Variants in COLQ observed in about 807,000 individuals in gnomAD.
COLQ encodes the protein acetylcholinesterase collagenic tail peptide.
COLQ carries 48 observed loss-of-function variants against 69.0 expected under a neutral mutation model. The ratio of observed to expected loss-of-function variants is 0.70; its 90% CI spans 0.55 to 0.88. The LOEUF is 0.88. Ranked by LOEUF, COLQ falls within the 40% of genes least tolerant of loss-of-function variation. The pLI, the probability that COLQ is intolerant of heterozygous loss-of-function variation, is 0.00. For missense variants in COLQ, 618 were observed against 594.6 expected (o/e 1.04, Z -0.41); for synonymous variants, 217 against 211.2 (o/e 1.03, Z -0.24).
chr3:15,483,500 A>T (rs1319791488), intron 3 of COLQ, among the ~76,000 whole-genome samples: 1 of 152,192 alleles, frequency 6.6e-6, no homozygotes, highest in Admixed American at 6.5e-5. Context: ...CAGGTTGTTC[A>T]GTTTCTATGT....
intron 1 of COLQ, chr3:15,499,015 AG>A: frequency 1.0e-6 from 1 of 989,804 alleles, no homozygotes; most frequent in Non-Finnish European, 1.2e-6. Flanking sequence ...TAAGCCTCAA[AG>A]TCAACCCCCC....
intron 1 of COLQ, among the ~76,000 whole-genome samples, chr3:15,502,852 C>T (rs1008419583): frequency 3.3e-5 from 5 of 152,190 alleles, no homozygotes; most frequent in African/African-American, 1.2e-4. Context: ...CTTGCAGACT[C>T]GTTTGGCAAA....
intron 3 of COLQ, among the ~76,000 whole-genome samples, chr3:15,487,069 A>T (rs12631578): frequency 1.3e-5 from 2 of 152,142 alleles, no homozygotes; most frequent in East Asian, 1.9e-4. Flanking sequence ...GACCAGGAAC[A>T]GAAGAACAGA....
At chr3:15,452,098 GCT>G (rs896579414) in intron 16 of COLQ, among the ~76,000 whole-genome samples, 2 of 145,894 alleles carry the variant, frequency 1.4e-5, no homozygotes, top group African/African-American at 5.1e-5. Context: ...ACAGAGTTTC[GCT>G]CTGTCCCCCA....
At chr3:15,478,186 T>A (rs1047598969) in intron 5 of COLQ, among the ~76,000 whole-genome samples, 1 of 152,078 alleles carries the variant, frequency 6.6e-6, no homozygotes, top group Non-Finnish European at 1.5e-5. Context: ...ACCATTGCCA[T>A]GGAGACCACC....
chr3:15,463,314 G>T (rs1387979499), intron 12 of COLQ, among the ~76,000 whole-genome samples: 2 of 151,040 alleles, frequency 1.3e-5, no homozygotes, highest in Non-Finnish European at 3.0e-5. Context: ...TTTTGGTTTT[G>T]GTTTTGTTTT....
intron 1 of COLQ, among the ~76,000 whole-genome samples, chr3:15,510,174 TA>T (rs747127611): frequency 3.1e-3 from 417 of 136,624 alleles, no homozygotes; most frequent in Middle Eastern, 7.4e-3. Context: ...AGACTCTGTC[TA>T]AAAAAAAAAA....
chr3:15,474,700 G>A (rs141877963), intron 8 of COLQ, among the ~76,000 whole-genome samples: 110 of 152,302 alleles, frequency 7.2e-4, no homozygotes, highest in African/African-American at 2.4e-3. Flanking sequence ...TGCTCCACAC[G>A]AGGGGCCTCT....
chr3:15,466,633 T>G (rs373300086), intron 11 of COLQ, among the ~76,000 whole-genome samples, 196 bp from the exon 12 acceptor site: 1 of 134,548 alleles, frequency 7.4e-6, no homozygotes, highest in Non-Finnish European at 1.6e-5. Context: ...GGCTACAAAT[T>G]TGTAGACCTT....
At chr3:15,519,133 A>G (rs2063101939) in intron 1 of COLQ, among the ~76,000 whole-genome samples, 1 of 151,900 alleles carries the variant, frequency 6.6e-6, no homozygotes, top group Admixed American at 6.6e-5. Context: ...CGGAGAAAAC[A>G]TATCTTTGTG....
chr3:15,467,408 G>A (rs1027919324), intron 11 of COLQ, among the ~76,000 whole-genome samples: 3 of 152,236 alleles, frequency 2.0e-5, no homozygotes, highest in Admixed American at 6.5e-5. Flanking sequence ...TGTACAGAAC[G>A]AAGAGCTATG....
At chr3:15,512,399 G>T (rs1256716687) in intron 1 of COLQ, among the ~76,000 whole-genome samples, 1 of 152,162 alleles carries the variant, frequency 6.6e-6, no homozygotes, top group African/African-American at 2.4e-5. Context: ...GTGCGGGCTT[G>T]AATGGAGCTA....
rs187585739 is a variant in COLQ at position 15,519,288 on chromosome 3, C to T, written c.106+2232G>A. On this transcript the variant is annotated intron_variant, in intron 1 of 16. Transcript: ENST00000383788. The stretch of plus-strand genomic sequence containing the variant: ...CCCAACCCTCCCCTTGGCTCTCTGC[C>T]CTCAGTGTTCCAGTCCCTGACCTCC... 6.0e-4 allele frequency among the ~76,000 whole-genome samples: 92 copies of T among 152,318 alleles called. 1 individual carries two copies. Among genetic ancestry groups the T allele is most frequent in the African/African-American group, 2.1e-3 (87 of 41,572 alleles).
chr3:15,470,518 A>G lies in COLQ; in HGVS notation c.717+18T>C. ...GAAGTTCTGACCTCAGGCGGGTGGT[A>G]AGCCCTGGGATCCTTACCTGCTTGC... On this transcript the variant is annotated intron_variant, in intron 11 of 16. Coordinates refer to ENST00000383788, the MANE Select transcript of COLQ (RefSeq NM_005677.4). 1 of 1,612,398 alleles carries G rather than the reference A, an allele frequency of 6.2e-7. No homozygotes were observed. The highest frequency in any genetic ancestry group is 8.5e-7 in the Non-Finnish European group (1 of 1,179,388).
intron 1 of COLQ, among the ~76,000 whole-genome samples, chr3:15,500,629 C>T (rs1011389839): frequency 2.0e-5 from 3 of 152,166 alleles, no homozygotes; most frequent in Admixed American, 1.3e-4. Context: ...TTCAGGTTCA[C>T]GAATATCTTC....
chr3:15,489,638 C>T lies in COLQ; in HGVS notation c.107-1G>A, dbSNP rs1269227357. ...TTCTTCTGATCCAGGCTGGGAAGGG[C>T]TGTTCAGAGAAAACTGCCGCTCGTT... On this transcript the variant is annotated splice_acceptor_variant, in intron 1 of 16. Coordinates refer to ENST00000383788, the MANE Select transcript of COLQ (RefSeq NM_005677.4). LOFTEE classifies it high-confidence loss of function. 8.1e-6 allele frequency: 13 copies of T among 1,613,854 alleles called. No individual in the cohort carries two copies. Among genetic ancestry groups the T allele is most frequent in the Admixed American group, 3.3e-5 (2 of 60,008 alleles).
At chr3:15,498,118 C>T (rs551311851) in intron 1 of COLQ, among the ~76,000 whole-genome samples, 3 of 152,260 alleles carry the variant, frequency 2.0e-5, no homozygotes, top group African/African-American at 4.8e-5. Flanking sequence ...CCAACGCCAG[C>T]GGGGGCCCAG....
intron 6 of COLQ, among the ~76,000 whole-genome samples, chr3:15,475,761 C>G (rs1196169693): frequency 6.6e-6 from 1 of 152,150 alleles, no homozygotes; most frequent in Non-Finnish European, 1.5e-5. Flanking sequence ...TATGGTAATA[C>G]TTGGTATTTT....
chr3:15,507,670 G>A (rs2062929760), intron 1 of COLQ, among the ~76,000 whole-genome samples: 1 of 152,148 alleles, frequency 6.6e-6, no homozygotes, highest in African/African-American at 2.4e-5. Flanking sequence ...TGGCCAGCTG[G>A]TCTCAAACAC....
Sources: gnomAD v4.1 joint callset for allele counts (sites outside exome capture counted in the v4.1 genomes callset) on GRCh38, gnomAD v4.1.1 for gene constraint, MANE v1.5 for transcripts, NCBI Gene and HGNC (gene_info 2026-07-23, HGNC 2026-07-21) for gene names.